CNTNAP5: variants seen among roughly 807,000 people sequenced by gnomAD.
The protein encoded by CNTNAP5 is contactin-associated protein-like 5.
In CNTNAP5, 72 loss-of-function variants were observed where a neutral mutation model predicts 150.2. The observed-to-expected ratio is 0.48, with a 90% CI of 0.40 to 0.58. The LOEUF (loss-of-function observed/expected upper bound fraction) is 0.58. CNTNAP5 is among the 20% of genes least tolerant of loss of function. The pLI is 0.00. For missense variants in CNTNAP5, 1,636 were observed against 1,626.2 expected, an observed-to-expected ratio of 1.01 and a Z score of -0.10; for synonymous variants, 672 against 619.8, an observed-to-expected ratio of 1.08 and a Z score of -1.25.
intron 11 of CNTNAP5, among the ~76,000 whole-genome samples, chr2:124,598,593 TTTTG>T (rs1696891086): frequency 6.6e-6 from 1 of 150,460 alleles, no homozygotes; most frequent in Non-Finnish European, 1.5e-5. Context: ...ACTGCTGTCT[TTTTG>T]TTTGTCTGTG....
chr2:124,148,105 T>A (rs1684298358), intron 1 of CNTNAP5, among the ~76,000 whole-genome samples: 1 of 152,134 alleles, frequency 6.6e-6, no homozygotes, highest in African/African-American at 2.4e-5. Context: ...TTGTCAAGGC[T>A]TATAAGCTAC....
At chr2:124,193,544 T>C (rs1685507421) in intron 1 of CNTNAP5, among the ~76,000 whole-genome samples, 1 of 152,180 alleles carries the variant, frequency 6.6e-6, no homozygotes, top group African/African-American at 2.4e-5. Flanking sequence ...AATGGAATTT[T>C]ACTCAGCATG....
intron 19 of CNTNAP5, among the ~76,000 whole-genome samples, chr2:124,807,302 C>A (rs1682101591): frequency 1.3e-5 from 2 of 152,138 alleles, no homozygotes; most frequent in Non-Finnish European, 2.9e-5. Context: ...CTGTCGGATG[C>A]CCTGTTCTAA....
chr2:124,467,381 G>A (rs1206629327), intron 6 of CNTNAP5, among the ~76,000 whole-genome samples: 2 of 151,436 alleles, frequency 1.3e-5, no homozygotes, highest in African/African-American at 2.5e-5. Flanking sequence ...CTAAGCAGGA[G>A]ACTAGCTTGA....
intron 3 of CNTNAP5, among the ~76,000 whole-genome samples, chr2:124,396,107 G>T: frequency 6.6e-6 from 1 of 152,192 alleles, no homozygotes; most frequent in Admixed American, 6.5e-5. Flanking sequence ...AAGACTCAAA[G>T]CAGAACAGGG....
At chr2:124,590,037 C>T (rs1369524716) in intron 11 of CNTNAP5, among the ~76,000 whole-genome samples, 4 of 152,046 alleles carry the variant, frequency 2.6e-5, no homozygotes, top group Admixed American at 2.6e-4. Context: ...CTATGTTTCT[C>T]ATCAAAGGAT....
chr2:124,420,147 T>C (rs915816490), intron 4 of CNTNAP5, among the ~76,000 whole-genome samples: 1 of 151,678 alleles, frequency 6.6e-6, no homozygotes, highest in Middle Eastern at 3.4e-3. Context: ...TGCACCACCA[T>C]GTCTGGCTAA....
intron 13 of CNTNAP5, among the ~76,000 whole-genome samples, chr2:124,692,692 A>G: frequency 6.6e-6 from 1 of 152,274 alleles, no homozygotes; most frequent in African/African-American, 2.4e-5. Context: ...TTTCTTACTA[A>G]TTTTGAGAAA....
intron 3 of CNTNAP5, among the ~76,000 whole-genome samples, chr2:124,360,447 C>A (rs1224391096): frequency 6.9e-6 from 1 of 145,682 alleles, no homozygotes; most frequent in Non-Finnish European, 1.5e-5. Flanking sequence ...CGGCTGGTAC[C>A]GGTTGTTCCT....
intron 1 of CNTNAP5, among the ~76,000 whole-genome samples, chr2:124,045,405 C>A (rs1681504862): frequency 6.6e-6 from 1 of 150,396 alleles, no homozygotes; most frequent in Non-Finnish European, 1.5e-5. Flanking sequence ...TCAAGTGATT[C>A]TCCTGCCTCA....
At chr2:124,650,365 G>C (rs1429708438) in intron 13 of CNTNAP5, among the ~76,000 whole-genome samples, 1 of 152,140 alleles carries the variant, frequency 6.6e-6, no homozygotes, top group Non-Finnish European at 1.5e-5. Flanking sequence ...CACTTTCACT[G>C]CCAGGACAGA....
At chr2:124,111,564 C>T (rs1184059811) in intron 1 of CNTNAP5, among the ~76,000 whole-genome samples, 2 of 152,054 alleles carry the variant, frequency 1.3e-5, no homozygotes, top group Non-Finnish European at 2.9e-5. Context: ...ATACCACAGG[C>T]TTCATCACTG....
chr2:124,045,379 A>C, intron 1 of CNTNAP5, among the ~76,000 whole-genome samples: 1 of 149,382 alleles, frequency 6.7e-6, no homozygotes, highest in Non-Finnish European at 1.5e-5. Context: ...TTCACTGTAA[A>C]CTCCACCTCC....
At chr2:124,082,463 T>C (rs760819031) in intron 1 of CNTNAP5, among the ~76,000 whole-genome samples, 11 of 152,190 alleles carry the variant, frequency 7.2e-5, no homozygotes, top group Non-Finnish European at 1.3e-4. Flanking sequence ...ATCAACTATT[T>C]ATTTTTCTTT....
chr2:124,073,867 T>C (rs1682374019), intron 1 of CNTNAP5, among the ~76,000 whole-genome samples: 1 of 152,114 alleles, frequency 6.6e-6, no homozygotes, highest in Non-Finnish European at 1.5e-5. Context: ...AATCAGTATA[T>C]TGAATAGGTA....
At chr2:124,259,264 A>T (rs1462326938) in intron 3 of CNTNAP5, among the ~76,000 whole-genome samples, 1 of 152,112 alleles carries the variant, frequency 6.6e-6, no homozygotes, top group Non-Finnish European at 1.5e-5. Context: ...TCATTGATGG[A>T]CATCTGGATT....
At chr2:124,827,508 C>T (rs937631725) in intron 19 of CNTNAP5, among the ~76,000 whole-genome samples, 2 of 152,166 alleles carry the variant, frequency 1.3e-5, no homozygotes, top group African/African-American at 4.8e-5. Flanking sequence ...TGAACTGAGA[C>T]ATCCTTCTTC....
chr2:124,609,697 G>A (rs1351474316), intron 11 of CNTNAP5, 104 bp from the exon 12 acceptor site: 12 of 1,274,608 alleles, frequency 9.4e-6, no homozygotes, highest in Non-Finnish European at 1.3e-5. Context: ...TAGAAGGAGG[G>A]AAATGAATAC....
chr2:124,387,810 A>AG, intron 3 of CNTNAP5, among the ~76,000 whole-genome samples: 1 of 152,324 alleles, frequency 6.6e-6, no homozygotes, highest in South Asian at 2.1e-4. Context: ...GCTTGGGCTC[A>AG]GAGGCCTGAC....
Sources: allele counts gnomAD v4.1 joint callset (sites outside exome capture counted in the v4.1 genomes callset), GRCh38; gene constraint gnomAD v4.1.1; transcripts MANE v1.5; gene names NCBI Gene and HGNC (gene_info 2026-07-23, HGNC 2026-07-21).